CFAP299: variants seen among roughly 807,000 people sequenced by gnomAD.
CFAP299 encodes the protein cilia- and flagella-associated protein 299.
Under a neutral mutation model 27.0 loss-of-function variants are expected in CFAP299, and 21 were observed. That is an observed-to-expected ratio of 0.78 (90% CI 0.55 to 1.12). CFAP299 has a LOEUF of 1.12. Among genes scored for constraint, CFAP299 ranks in the 50% most tolerant of loss-of-function variants. CFAP299 has a pLI of 0.00. For missense variants in CFAP299, 310 were observed against 276.6 expected, an observed-to-expected ratio of 1.12 and a Z score of -0.86; for synonymous variants, 104 against 98.1, an observed-to-expected ratio of 1.06 and a Z score of -0.36.
intron 3 of CFAP299, among the ~76,000 whole-genome samples, chr4:80,750,969 T>C (rs191725233): frequency 5.3e-5 from 8 of 152,292 alleles, no homozygotes; most frequent in Non-Finnish European, 1.0e-4. Flanking sequence ...CATGCTCCTT[T>C]AGCTCAGTGA....
chr4:80,894,707 G>A (rs1734526015), intron 4 of CFAP299, among the ~76,000 whole-genome samples: 1 of 151,928 alleles, frequency 6.6e-6, no homozygotes, highest in Non-Finnish European at 1.5e-5. Context: ...TTAAAAAAAT[G>A]TAACCACTAT....
chr4:80,543,094 C>G (rs1333228872), intron 2 of CFAP299, among the ~76,000 whole-genome samples: 2 of 152,168 alleles, frequency 1.3e-5, no homozygotes, highest in Non-Finnish European at 2.9e-5. Context: ...TTCACCAGTG[C>G]AGAGCTTTGC....
chr4:80,541,815 AT>A (rs926089237), intron 2 of CFAP299, among the ~76,000 whole-genome samples: 11 of 152,142 alleles, frequency 7.2e-5, no homozygotes, highest in Admixed American at 7.2e-4. Context: ...AAAGGATCCA[AT>A]GAATTTATGG....
intron 3 of CFAP299, among the ~76,000 whole-genome samples, chr4:80,620,484 G>T (rs768102141): frequency 8.5e-5 from 13 of 152,072 alleles, no homozygotes; most frequent in Non-Finnish European, 1.6e-4. Context: ...GTTTTGAAAA[G>T]AATTTAACAC....
chr4:80,803,580 A>T (rs866841182), intron 3 of CFAP299, among the ~76,000 whole-genome samples: 1 of 151,922 alleles, frequency 6.6e-6, no homozygotes, highest in Non-Finnish European at 1.5e-5. Context: ...TATCTTATAG[A>T]CCAGCTTCCT....
intron 3 of CFAP299, among the ~76,000 whole-genome samples, chr4:80,826,271 A>G (rs1226150066): frequency 6.6e-6 from 1 of 151,546 alleles, no homozygotes; most frequent in Admixed American, 6.6e-5. Flanking sequence ...ATTTCACTAG[A>G]AAAAAAACAG....
chr4:80,869,378 A>G (rs1732941810), intron 3 of CFAP299, among the ~76,000 whole-genome samples: 1 of 152,218 alleles, frequency 6.6e-6, no homozygotes, highest in African/African-American at 2.4e-5. Flanking sequence ...TTTTCAGCAC[A>G]GTATTCTCAG....
chr4:80,343,770 C>A (rs1282961624), intron 1 of CFAP299, among the ~76,000 whole-genome samples: 2 of 132,184 alleles, frequency 1.5e-5, no homozygotes, highest in African/African-American at 5.6e-5. Flanking sequence ...CAGTCCGGTC[C>A]GGCCTGGGCG....
intron 2 of CFAP299, among the ~76,000 whole-genome samples, chr4:80,541,972 T>TA (rs35634141): frequency 0.089 from 12,911 of 145,158 alleles, 597 homozygotes; most frequent in Middle Eastern, 0.19. Flanking sequence ...GTATAATAAT[T>TA]AAAAAAAAAA....
chr4:80,433,820 T>G (rs912234740), intron 2 of CFAP299, among the ~76,000 whole-genome samples: 2 of 152,184 alleles, frequency 1.3e-5, no homozygotes. Flanking sequence ...CAGTTTAATT[T>G]GGAAAAGTTT....
chr4:80,824,367 TAGA>T (rs1729869845), intron 3 of CFAP299, among the ~76,000 whole-genome samples: 1 of 152,132 alleles, frequency 6.6e-6, no homozygotes, highest in Admixed American at 6.6e-5. Context: ...TTTCAGCAGC[TAGA>T]GTGGGCAAAA....
At chr4:80,564,999 A>G (rs1278659197) in intron 2 of CFAP299, among the ~76,000 whole-genome samples, 1 of 152,062 alleles carries the variant, frequency 6.6e-6, no homozygotes, top group African/African-American at 2.4e-5. Context: ...CTGATTGTTG[A>G]TAAGGATGTA....
At chr4:80,661,344 A>C (rs1740836456) in intron 3 of CFAP299, among the ~76,000 whole-genome samples, 1 of 151,686 alleles carries the variant, frequency 6.6e-6, no homozygotes, top group African/African-American at 2.4e-5. Flanking sequence ...AAAAAAAAAA[A>C]ATGTTGCGGG....
intron 3 of CFAP299, among the ~76,000 whole-genome samples, chr4:80,736,829 T>C (rs1369936838): frequency 6.6e-6 from 1 of 152,126 alleles, no homozygotes; most frequent in Non-Finnish European, 1.5e-5. Flanking sequence ...ATCCAAAGGA[T>C]TATAAATCAT....
In CFAP299 at chr4:80,668,350, T is replaced by C. The variant is rs189287479; in HGVS notation, c.333+85167T>C. Among the ~76,000 whole-genome samples the C allele has an allele frequency of 5.9e-5, 9 of 152,276 alleles. No homozygotes were observed. In the East Asian group the frequency reaches 1.4e-3, roughly 23 times the overall value. On this transcript the variant is annotated intron_variant, in intron 3 of 5. Coordinates refer to ENST00000358105, the MANE Select transcript of CFAP299 (RefSeq NM_152770.3). ...CTATTGTTGCCTACTTTGCCTGTGC[T>C]TTTAATGTTTTGCACAAAAATTCAT...
chr4:80,446,142 T>C (rs1207010583), intron 2 of CFAP299, among the ~76,000 whole-genome samples: 1 of 152,166 alleles, frequency 6.6e-6, no homozygotes, highest in East Asian at 1.9e-4. Context: ...GATTCAGGAC[T>C]GGGAAGAGGA....
intron 2 of CFAP299, among the ~76,000 whole-genome samples, chr4:80,400,173 A>G (rs1726065902): frequency 1.3e-5 from 2 of 152,340 alleles, no homozygotes; most frequent in Admixed American, 1.3e-4. Context: ...ATAATTTGAC[A>G]GTCAACTGAT....
At chr4:80,612,750 T>G (rs879821198) in intron 3 of CFAP299, among the ~76,000 whole-genome samples, 3 of 151,990 alleles carry the variant, frequency 2.0e-5, no homozygotes, top group Admixed American at 6.6e-5. Context: ...TTGAAATTAA[T>G]TAAGTAGCTC....
At chr4:80,644,189 T>TA (rs1379201725) in intron 3 of CFAP299, among the ~76,000 whole-genome samples, 1 of 152,200 alleles carries the variant, frequency 6.6e-6, no homozygotes, top group Non-Finnish European at 1.5e-5. Flanking sequence ...CCTGGTTTTT[T>TA]AAAAACAAAC....
Sources: gnomAD v4.1 joint callset for allele counts (sites outside exome capture counted in the v4.1 genomes callset) on GRCh38, gnomAD v4.1.1 for gene constraint, MANE v1.5 for transcripts, NCBI Gene and HGNC (gene_info 2026-07-23, HGNC 2026-07-21) for gene names.